Variants in SMS observed in about 807,000 individuals in gnomAD.
The protein encoded by SMS is spermidine aminopropyltransferase.
In SMS, 3 loss-of-function variants were observed where a neutral mutation model predicts 33.0. The observed-to-expected ratio is 0.09, with a 90% CI of 0.04 to 0.23. The LOEUF is 0.23. Among genes scored for constraint, SMS ranks in the 10% least tolerant of loss-of-function variants. The pLI, the probability that SMS is intolerant of heterozygous loss-of-function variation, is 1.00. For synonymous variants in SMS, 103 were observed against 112.2 expected (o/e 0.92, Z 0.52); for missense variants, 117 against 288.6 (o/e 0.41, Z 4.31).
chrX:21,952,146 G>A (rs1174636770), intron 1 of SMS, among the ~76,000 whole-genome samples: 1 of 111,745 alleles, frequency 8.9e-6, no homozygotes, highest in Non-Finnish European at 1.9e-5. Flanking sequence ...CTATACTTTG[G>A]TTACCCTTGA....
chrX:21,978,563 G>C (rs979073612), intron 6 of SMS, among the ~76,000 whole-genome samples: 1 of 111,796 alleles, frequency 8.9e-6, no homozygotes, highest in Non-Finnish European at 1.9e-5. Context: ...GTGACAGTAA[G>C]ACTCTGTCTC....
chrX:21,965,584 CAAAA>C (rs372094407), intron 1 of SMS, among the ~76,000 whole-genome samples: 1 of 60,640 alleles, frequency 1.6e-5, no homozygotes, highest in African/African-American at 9.0e-5. Flanking sequence ...ACTACAAATA[CAAAA>C]AAAAAAAAAA....
intron 7 of SMS, among the ~76,000 whole-genome samples, chrX:21,981,578 A>G: frequency 8.9e-6 from 1 of 111,991 alleles, no homozygotes; most frequent in Non-Finnish European, 1.9e-5. Flanking sequence ...TGTCAAAGGA[A>G]CTTGAACAGG....
At chrX:21,986,995 G>GT (rs10691989) in intron 9 of SMS, among the ~76,000 whole-genome samples, 44,782 of 86,382 alleles carry the variant, frequency 0.52, 11,180 homozygotes, top group South Asian at 0.76. Context: ...ACTTATGATG[G>GT]TTTTTTTTTT....
intron 1 of SMS, among the ~76,000 whole-genome samples, chrX:21,945,494 G>A (rs1018258611): frequency 9.0e-6 from 1 of 111,402 alleles, no homozygotes; most frequent in Admixed American, 9.5e-5. Context: ...GGGGCAGGGG[G>A]TTCTTTTGTA....
intron 1 of SMS, among the ~76,000 whole-genome samples, chrX:21,945,422 C>T (rs920710734): frequency 4.5e-5 from 5 of 111,546 alleles, no homozygotes; most frequent in Non-Finnish European, 9.4e-5. Context: ...ATTCTATAAC[C>T]TTGTTTAATA....
At chrX:21,975,308 C>T (rs1924461978) in intron 4 of SMS, among the ~76,000 whole-genome samples, 1 of 111,078 alleles carries the variant, frequency 9.0e-6, no homozygotes, top group Non-Finnish European at 1.9e-5. Context: ...TGTTAAGATC[C>T]TTCTTTCTTT....
intron 4 of SMS, among the ~76,000 whole-genome samples, chrX:21,973,535 A>G (rs1233648579): frequency 1.8e-5 from 2 of 112,881 alleles, no homozygotes; most frequent in East Asian, 5.6e-4. Flanking sequence ...AAGTTAAGCA[A>G]TTTTAAGAGA....
At chrX:21,953,009 C>G (rs149152972) in intron 1 of SMS, among the ~76,000 whole-genome samples, 8 of 108,884 alleles carry the variant, frequency 7.3e-5, no homozygotes, top group Admixed American at 2.0e-4. Flanking sequence ...GCAGTTGACG[C>G]ACCTTGGCCT....
chrX:21,965,414 A>G (rs1923633054), intron 1 of SMS, among the ~76,000 whole-genome samples: 1 of 110,145 alleles, frequency 9.1e-6, no homozygotes, highest in African/African-American at 3.3e-5. Context: ...TGGCAGGTGG[A>G]TTGCTTGAGC....
chrX:21,976,924 A>C (rs946133153), intron 4 of SMS, 137 bp from the exon 5 acceptor site: 2 of 583,908 alleles, frequency 3.4e-6, no homozygotes, highest in Non-Finnish European at 5.9e-6. Flanking sequence ...ATAAAACTAA[A>C]AGCCCAAGCT....
intron 1 of SMS, among the ~76,000 whole-genome samples, chrX:21,950,763 A>G (rs887103934): frequency 9.0e-6 from 1 of 111,304 alleles, no homozygotes; most frequent in African/African-American, 3.3e-5. Flanking sequence ...ATGTCCCTGC[A>G]AAGGACAGGA....
intron 8 of SMS, 136 bp downstream of exon 8, chrX:21,984,554 G>A: frequency 2.0e-6 from 1 of 505,729 alleles, no homozygotes; most frequent in South Asian, 2.8e-5. Flanking sequence ...ATGGTGGAAA[G>A]ATGACTGGAT....
chrX:21,953,305 G>T (rs1922743296), intron 1 of SMS, among the ~76,000 whole-genome samples: 1 of 106,777 alleles, frequency 9.4e-6, no homozygotes, highest in Admixed American at 1.0e-4. Context: ...GGCAGGGGGA[G>T]ATCTGTGCAG....
chrX:21,990,866 C>T (rs5951678), intron 9 of SMS, among the ~76,000 whole-genome samples: 38,782 of 111,751 alleles, frequency 0.35, 6,708 homozygotes, highest in African/African-American at 0.69. Flanking sequence ...TATGCTCTTA[C>T]GGTGAACTTG....
At chrX:21,958,133 TTTTTG>T (rs1923098881) in intron 1 of SMS, among the ~76,000 whole-genome samples, 1 of 112,014 alleles carries the variant, frequency 8.9e-6, no homozygotes, top group African/African-American at 3.2e-5. Context: ...TATTTATTTA[TTTTTG>T]TTTTTGTTGC....
chrX:21,956,896 C>T (rs1280715563), intron 1 of SMS, among the ~76,000 whole-genome samples: 2 of 112,389 alleles, frequency 1.8e-5, no homozygotes, highest in Non-Finnish European at 3.8e-5. Flanking sequence ...CTGTATTTTG[C>T]AGCCATACCT....
chrX:21,962,576 C>T (rs1923432588), intron 1 of SMS, among the ~76,000 whole-genome samples: 1 of 111,890 alleles, frequency 8.9e-6, no homozygotes, highest in African/African-American at 3.3e-5. Context: ...TGAAAATACT[C>T]ATGCCTGGGG....
At chrX:21,945,862 A>T (rs998695663) in intron 1 of SMS, among the ~76,000 whole-genome samples, 2 of 110,642 alleles carry the variant, frequency 1.8e-5, no homozygotes, top group African/African-American at 6.6e-5. Context: ...TGACCTCATG[A>T]TCCACCCGCA....
Sources: gnomAD v4.1 joint callset for allele counts (sites outside exome capture counted in the v4.1 genomes callset) on GRCh38, gnomAD v4.1.1 for gene constraint, MANE v1.5 for transcripts, NCBI Gene and HGNC (gene_info 2026-07-23, HGNC 2026-07-21) for gene names.